The following RASGEF1A variants were observed in gnomAD, a reference collection of about 807,000 sequenced individuals.
The protein encoded by RASGEF1A is ras-GEF domain-containing family member 1A.
RASGEF1A carries 18 observed loss-of-function variants against 56.4 expected under a neutral mutation model. The ratio of observed to expected loss-of-function variants is 0.32; its 90% CI spans 0.22 to 0.47. The LOEUF is 0.47. RASGEF1A is among the 20% of genes least tolerant of loss of function. The probability of loss-of-function intolerance (pLI) is 1.00; values close to 1 mark genes in which losing one functional copy is unlikely to be tolerated. For synonymous variants in RASGEF1A, 245 were observed against 242.6 expected, an observed-to-expected ratio of 1.01 and a Z score of -0.09; for missense variants, 422 against 627.1, an observed-to-expected ratio of 0.67 and a Z score of 3.49.
In RASGEF1A at chr10:43,196,368, C is replaced by G; in HGVS notation, c.1422-100G>C. The stretch of plus-strand genomic sequence containing the variant: ...CCAAACATGCACCAGGGACCCTGGA[C>G]CAGGGACGCGGCAGTGCCCAGGCTC... On this transcript the variant is annotated intron_variant, in intron 12 of 12. Transcript: ENST00000395810. This position sits in a 1 kb window ranked among gnomAD's most constrained non-coding sequence, Gnocchi z 4.6. 1.3e-6 allele frequency: 2 copies of G among 1,565,202 alleles called. No individual in the cohort carries two copies. The highest frequency in any genetic ancestry group is 1.8e-6 in the Non-Finnish European group (2 of 1,137,062).
intron 1 of RASGEF1A, among the ~76,000 whole-genome samples, chr10:43,256,941 G>C (rs368477590): frequency 6.6e-6 from 1 of 152,052 alleles, no homozygotes; most frequent in Non-Finnish European, 1.5e-5. Context: ...TGCCTTCATC[G>C]CTCCCTCCTG....
At chr10:43,246,546 C>G (rs968070654) in intron 1 of RASGEF1A, among the ~76,000 whole-genome samples, 3 of 152,192 alleles carry the variant, frequency 2.0e-5, no homozygotes, top group Non-Finnish European at 4.4e-5. Context: ...GTAACTAAGA[C>G]TGTGTGGTAA....
At chr10:43,255,634 G>C (rs1428211445) in intron 1 of RASGEF1A, among the ~76,000 whole-genome samples, 1 of 152,248 alleles carries the variant, frequency 6.6e-6, no homozygotes, top group Non-Finnish European at 1.5e-5. Context: ...TAGCAGCACA[G>C]ACTGAGGCCA....
chr10:43,235,616 C>G (rs898859299), intron 1 of RASGEF1A, among the ~76,000 whole-genome samples: 6 of 152,334 alleles, frequency 3.9e-5, no homozygotes, highest in African/African-American at 1.4e-4. Flanking sequence ...CTTCCTGCCC[C>G]CATTGGTGTG....
At chr10:43,223,806 AC>A (rs1394666543) in intron 1 of RASGEF1A, among the ~76,000 whole-genome samples, 16 of 152,014 alleles carry the variant, frequency 1.1e-4, no homozygotes, top group Non-Finnish European at 1.9e-4. Flanking sequence ...TCTAGTGAGA[AC>A]CTGTCTCTAT....
intron 1 of RASGEF1A, among the ~76,000 whole-genome samples, chr10:43,225,948 G>T (rs113195386): frequency 1.8e-4 from 27 of 152,260 alleles, no homozygotes; most frequent in Admixed American, 5.9e-4. Context: ...GGGGTGGCTG[G>T]CGGCAGTCAC....
chr10:43,218,796 C>A (rs544487454), intron 1 of RASGEF1A, among the ~76,000 whole-genome samples: 3 of 152,276 alleles, frequency 2.0e-5, no homozygotes, highest in African/African-American at 7.2e-5. Flanking sequence ...ACAGGGCGCC[C>A]GCTCCAGAGG....
At chr10:43,220,505 C>T (rs900912956) in intron 1 of RASGEF1A, among the ~76,000 whole-genome samples, 2 of 152,112 alleles carry the variant, frequency 1.3e-5, no homozygotes. Flanking sequence ...CCTATCTCAC[C>T]GGGTGTGGTG....
intron 1 of RASGEF1A, chr10:43,206,790 T>C (rs1840002568): frequency 2.0e-6 from 2 of 985,888 alleles, no homozygotes; most frequent in South Asian, 4.7e-5. Flanking sequence ...GTGAAGGTCT[T>C]GGGCCAAGTG....
intron 1 of RASGEF1A, among the ~76,000 whole-genome samples, chr10:43,235,293 C>T (rs370734780): frequency 7.2e-5 from 11 of 152,226 alleles, no homozygotes; most frequent in Admixed American, 1.3e-4. Flanking sequence ...TCTCCCCAGT[C>T]GTCTGAGTCA....
intron 1 of RASGEF1A, among the ~76,000 whole-genome samples, chr10:43,242,535 G>A (rs1470035111): frequency 1.3e-5 from 2 of 151,338 alleles, no homozygotes; most frequent in East Asian, 1.9e-4. Context: ...TCTCGCTCTC[G>A]CTCTCCGTCT....
intron 1 of RASGEF1A, among the ~76,000 whole-genome samples, chr10:43,252,156 G>C (rs1840633791): frequency 6.6e-6 from 1 of 152,214 alleles, no homozygotes; most frequent in African/African-American, 2.4e-5. Flanking sequence ...GGGGGCTTGG[G>C]GGAATAGAGG....
intron 1 of RASGEF1A, among the ~76,000 whole-genome samples, chr10:43,237,413 G>A (rs1226108367): frequency 6.7e-6 from 1 of 149,328 alleles, no homozygotes; most frequent in East Asian, 2.0e-4. Context: ...TGACCCCACT[G>A]TTGTGCCCCT....
chr10:43,218,249 T>A (rs1318021910), intron 1 of RASGEF1A, among the ~76,000 whole-genome samples: 1 of 152,060 alleles, frequency 6.6e-6, no homozygotes, highest in Non-Finnish European at 1.5e-5. Context: ...CCCTCCCTCA[T>A]CCCACTTCTG....
intron 1 of RASGEF1A, among the ~76,000 whole-genome samples, chr10:43,237,047 G>A (rs1021155079): frequency 1.1e-4 from 17 of 152,092 alleles, no homozygotes; most frequent in African/African-American, 4.1e-4. Context: ...TAACATTGTA[G>A]GGTATCTCAG....
chr10:43,212,855 C>CA (rs373827797), intron 1 of RASGEF1A, among the ~76,000 whole-genome samples: 6 of 152,214 alleles, frequency 3.9e-5, no homozygotes, highest in African/African-American at 1.4e-4. Flanking sequence ...CAGCTCCCCC[C>CA]ACAACACTCA....
chr10:43,257,521 C>G (rs1196874890), intron 1 of RASGEF1A, among the ~76,000 whole-genome samples: 2 of 152,218 alleles, frequency 1.3e-5, no homozygotes, highest in Non-Finnish European at 2.9e-5. Context: ...ATCTGGCCTG[C>G]AGGCAGGTTC....
rs1054014393 is a variant in RASGEF1A, at chr10:43,208,634, G to T, written c.-6-2512C>A. 8.1e-6 allele frequency: 8 copies of T among 985,574 alleles called. No individual in the cohort carries two copies. The African/African-American group carries it at 1.2e-4, about 15-fold the overall frequency. The allele number at this position is 985,574 out of a possible 1,614,324, so 61.1% of individuals were successfully genotyped here. ...ACTGACCTGAGAGGTGGGGTGCTCT[G>T]GGTTCCTTCTGTCCTGCCTACCTGG... On this transcript the variant is annotated intron_variant, in intron 1 of 12. Coordinates refer to ENST00000395810, the MANE Select transcript of RASGEF1A (RefSeq NM_145313.4).
rs914372523 is a variant in RASGEF1A at position 43,199,070 on chromosome 10, C to T, written c.952+22G>A. On this transcript the variant is annotated intron_variant, in intron 8 of 12. Transcript: ENST00000395810. ...GGGGGTGGGCCATGCAGCAGCCCCA[C>T]CCTGGGTGCCCAGTCACTCACAGAT... 3.0e-5 allele frequency: 48 copies of T among 1,612,908 alleles called. 1 individual carries two copies. Among genetic ancestry groups the T allele is most frequent in the African/African-American group, 4.0e-5 (3 of 74,930 alleles).
Sources: allele counts gnomAD v4.1 joint callset (sites outside exome capture counted in the v4.1 genomes callset), GRCh38; gene constraint gnomAD v4.1.1; non-coding constraint Gnocchi (gnomAD v3.1); transcripts MANE v1.5; gene names NCBI Gene and HGNC (gene_info 2026-07-23, HGNC 2026-07-21).